DAZL: variants seen among roughly 807,000 people sequenced by gnomAD.
DAZL encodes deleted in azoospermia-like.
In DAZL, 4 loss-of-function variants were observed where a neutral mutation model predicts 45.0. The ratio of observed to expected loss-of-function variants is 0.09; its 90% confidence interval spans 0.04 to 0.20. The LOEUF (loss-of-function observed/expected upper bound fraction) is 0.20. Ranked by LOEUF, DAZL falls within the 10% of genes least tolerant of loss-of-function variation. The pLI, the probability that DAZL is intolerant of heterozygous loss-of-function variation, is 1.00. For missense variants in DAZL, 326 were observed against 351.3 expected (o/e 0.93, Z 0.58); for synonymous variants, 122 against 112.4 (o/e 1.09, Z -0.54).
intron 3 of DAZL, 72 bp downstream of exon 3, chr3:16,598,015 T>C: frequency 1.5e-6 from 2 of 1,343,940 alleles, no homozygotes; most frequent in Non-Finnish European, 1.0e-6. Flanking sequence ...AGTGTCAGAA[T>C]ACCAATTTTG....
chr3:16,596,956 G>C, intron 5 of DAZL, 32 bp downstream of exon 5: 1 of 1,612,400 alleles, frequency 6.2e-7, no homozygotes, highest in Non-Finnish European at 8.5e-7. Context: ...TTTCTTTTAT[G>C]TTTAAAAAGA....
intron 1 of DAZL, among the ~76,000 whole-genome samples, chr3:16,599,276 T>A (rs1452449821): frequency 6.6e-6 from 1 of 152,036 alleles, no homozygotes; most frequent in Non-Finnish European, 1.5e-5. Flanking sequence ...AACTTTTCAT[T>A]TTACTGAGTA....
rs769662187 is a variant in DAZL, at chr3:16,590,849, G to A, written c.834+1201C>T. ...AAGTAAGTAAATTAGTGGTTGCCTA[G>A]GGCTGCACAGGATGGGGGAAAATAG... On this transcript the variant is annotated intron_variant, in intron 10 of 10. Coordinates refer to ENST00000399444, the MANE Select transcript of DAZL (RefSeq NM_001351.4). 1.4e-4 allele frequency among the ~76,000 whole-genome samples: 22 copies of A among 151,940 alleles called. No individual in the cohort carries two copies. In the Middle Eastern group the frequency reaches 0.01, roughly 70 times the overall value.
chr3:16,596,576 T>C (rs568343067), intron 6 of DAZL, among the ~76,000 whole-genome samples, 174 bp downstream of exon 6: 74 of 149,582 alleles, frequency 4.9e-4, no homozygotes, highest in African/African-American at 1.4e-3. Context: ...CTTTAGCTCA[T>C]ATAAAGAACA....
At chr3:16,604,672 G>A (rs981233155) in intron 1 of DAZL, 10 of 1,357,768 alleles carry the variant, frequency 7.4e-6, no homozygotes, top group Admixed American at 6.8e-5. Context: ...ACTTCCTAAG[G>A]AAGCTCCGGC....
At chr3:16,605,054 C>T (rs1331348387) in intron 1 of DAZL, 149 bp downstream of exon 1, 1 of 1,098,744 alleles carries the variant, frequency 9.1e-7, no homozygotes, top group African/African-American at 1.5e-5. Context: ...TCTCCCAACT[C>T]TGTGGGCCAT....
rs1182794014 is a variant in DAZL at position 16,592,011 on chromosome 3, AG to A, written c.834+38del. On this transcript the variant is annotated intron_variant, in intron 10 of 10. Coordinates refer to ENST00000399444, the MANE Select transcript of DAZL (RefSeq NM_001351.4). ...GAAAACAGATACTTTAAAGCTAACA[AG>A]TGTGCTTTTTAATTGTGCGTAACTG... is the stretch of plus-strand genomic sequence containing the variant. 1.9e-6 allele frequency: 3 copies of A among 1,581,680 alleles called. No individual in the cohort carries two copies. In the African/African-American group the frequency reaches 4.0e-5, roughly 21 times the overall value.
rs1459076289 is a variant in DAZL at position 16,598,119 on chromosome 3, C to A, written c.210G>T (p.Lys70Asn). 2 of 1,599,630 alleles carry A rather than the reference C, an allele frequency of 1.3e-6. No homozygotes were observed. Among genetic ancestry groups the A allele is most frequent in the South Asian group, 2.2e-5 (2 of 90,924 alleles). ...FARYGSVKEV[K>N]IITDRTGVSK... ...ACACACCAGTTCGATCAGTGATTAT[C>A]TTCACTTCTTTCACTGAACCATATC... is the stretch of plus-strand genomic sequence containing the variant. Residue 70 changes from lysine to asparagine, a missense_variant, in exon 3 of 11, where the codon AAG (lysine) becomes AAT (asparagine). Around this residue, in one of 3 missense-constraint regions of DAZL, gnomAD observed 81 missense variants for 89.6 expected, o/e 0.90. Transcript: ENST00000399444.
chr3:16,604,411 A>G, intron 1 of DAZL: 1 of 1,515,166 alleles, frequency 6.6e-7, no homozygotes, highest in Non-Finnish European at 8.8e-7. Context: ...AAAATTCTAA[A>G]ATTCTTAATG....
intron 6 of DAZL, among the ~76,000 whole-genome samples, chr3:16,596,492 G>C (rs1057151882): frequency 1.4e-4 from 20 of 147,524 alleles, no homozygotes; most frequent in African/African-American, 4.7e-4. Context: ...AGTTATATGG[G>C]GGGAAAAAGG....
chr3:16,604,861 G>C, intron 1 of DAZL: 1 of 714,116 alleles, frequency 1.4e-6, no homozygotes, highest in East Asian at 2.9e-5. Flanking sequence ...GTCGGGGGTG[G>C]GGAACCCGCA....
chr3:16,605,105 G>A (rs1694758628), intron 1 of DAZL, 98 bp downstream of exon 1: 1 of 1,497,672 alleles, frequency 6.7e-7, no homozygotes, highest in African/African-American at 1.4e-5. Context: ...AAACAGGAAA[G>A]CCGAGGATGA....
At chr3:16,589,233 T>A (rs3773825) in intron 10 of DAZL, among the ~76,000 whole-genome samples, 21,289 of 152,096 alleles carry the variant, frequency 0.14, 1,923 homozygotes, top group East Asian at 0.46. Context: ...AGAAAAAATT[T>A]AAATACATGC....
chr3:16,599,769 A>G (rs1164622881), intron 1 of DAZL, among the ~76,000 whole-genome samples: 1 of 152,216 alleles, frequency 6.6e-6, no homozygotes, highest in Non-Finnish European at 1.5e-5. Flanking sequence ...TAAGTAATAT[A>G]TATGTTGGAG....
At position 16,588,648 on chromosome 3, in the gene DAZL, AAG is replaced by A; in HGVS notation, c.*10_*11del. On this transcript the variant is annotated 3_prime_UTR_variant, in exon 11 of 11. Coordinates refer to ENST00000399444, the MANE Select transcript of DAZL (RefSeq NM_001351.4). ...CCAGCAACTTCCCATGTAACTAGATAAGCCAGGAGGATCAAACAGATTTAAGC... is the reference window on the plus strand; with the variant it reads ...CCAGCAACTTCCCATGTAACTAGATACCAGGAGGATCAAACAGATTTAAGC... 6.2e-7 allele frequency: 1 copy of A among 1,602,508 alleles called. No homozygotes were observed. Among genetic ancestry groups the A allele is most frequent in the Non-Finnish European group, 8.5e-7 (1 of 1,169,846 alleles).
rs71049170 is a variant in DAZL, at chr3:16,592,572, G to GA, written c.736-425dup. On this transcript the variant is annotated intron_variant, in intron 9 of 10. Coordinates refer to ENST00000399444, the MANE Select transcript of DAZL (RefSeq NM_001351.4). Reference sequence around the variant, plus strand: ...CAACACAGCGAGACTCTGTCTTGGGGAAAAAAAAAAAAAAAGAAATTCATA... The same window carrying GA: ...CAACACAGCGAGACTCTGTCTTGGGGAAAAAAAAAAAAAAAAGAAATTCATA... 3.1e-3 allele frequency among the ~76,000 whole-genome samples: 452 copies of GA among 144,076 alleles called. 7 individuals are homozygous for GA. The highest frequency in any genetic ancestry group is 0.021 in the Admixed American group (307 of 14,526). The allele number at this position is 144,076 out of a possible 152,430, so 94.5% of individuals were successfully genotyped here.
intron 1 of DAZL, among the ~76,000 whole-genome samples, chr3:16,603,295 T>C (rs1313610030): frequency 6.6e-6 from 1 of 152,100 alleles, no homozygotes; most frequent in Non-Finnish European, 1.5e-5. Flanking sequence ...GCAATTCATC[T>C]CAAGGAATTA....
At position 16,592,433 on chromosome 3, in the gene DAZL, T is replaced by C. The variant is rs369160497; in HGVS notation, c.736-285A>G. 3.3e-5 allele frequency among the ~76,000 whole-genome samples: 5 copies of C among 151,788 alleles called. No homozygotes were observed. The East Asian group carries it at 5.8e-4, about 18-fold the overall frequency. On this transcript the variant is annotated intron_variant, in intron 9 of 10. Transcript: ENST00000399444. The stretch of plus-strand genomic sequence containing the variant: ...AAATACAAATATCAGCTGGGCATAG[T>C]GGCGGGTGCCTGTAATCTCAGCTAC...
rs1262546505 is a variant in DAZL, at chr3:16,593,431, A to C, written c.735+224T>G. Among the ~76,000 whole-genome samples, 5 of 152,134 alleles carry C rather than the reference A, an allele frequency of 3.3e-5. No individual in the cohort carries two copies. The East Asian group carries it at 7.7e-4, about 23-fold the overall frequency. ...CAAGCAATCCACCCATCTCAGCCCCAAAAAGTGCTGGGATTACAGGCGTGA... is the reference window on the plus strand; with the variant it reads ...CAAGCAATCCACCCATCTCAGCCCCCAAAAGTGCTGGGATTACAGGCGTGA... On this transcript the variant is annotated intron_variant, in intron 9 of 10. Coordinates refer to ENST00000399444, the MANE Select transcript of DAZL (RefSeq NM_001351.4).
Sources: gnomAD v4.1 joint callset for allele counts (sites outside exome capture counted in the v4.1 genomes callset) on GRCh38, gnomAD v4.1.1 for gene constraint, gnomAD v4.1.1 regional missense constraint, MANE v1.5 for transcripts, NCBI Gene and HGNC (gene_info 2026-07-23, HGNC 2026-07-21) for gene names.